Variants in CNTNAP2 observed in about 807,000 individuals in gnomAD.
CNTNAP2 encodes contactin associated protein 2.
In CNTNAP2, 98 loss-of-function variants were observed where a neutral mutation model predicts 155.2. The observed-to-expected ratio is 0.63, with a 90% CI of 0.54 to 0.75. CNTNAP2 has a LOEUF of 0.75. Ranked by LOEUF, CNTNAP2 falls within the 30% of genes least tolerant of loss-of-function variation. The pLI, the probability that CNTNAP2 is intolerant of heterozygous loss-of-function variation, is 0.00. For synonymous variants in CNTNAP2, 651 were observed against 631.2 expected, an observed-to-expected ratio of 1.03 and a Z score of -0.47; for missense variants, 1,727 against 1,688.1, an observed-to-expected ratio of 1.02 and a Z score of -0.40.
At chr7:147,205,902 T>A (rs970934188) in intron 8 of CNTNAP2, among the ~76,000 whole-genome samples, 1 of 152,080 alleles carries the variant, frequency 6.6e-6, no homozygotes. Flanking sequence ...AACTGGAAAG[T>A]TCCTAAAACA....
At chr7:148,339,259 A>G (rs573383786) in intron 21 of CNTNAP2, among the ~76,000 whole-genome samples, 1 of 149,866 alleles carries the variant, frequency 6.7e-6, no homozygotes, top group South Asian at 2.1e-4. Context: ...CAAACATCGA[A>G]AAAAAAAAAA....
intron 1 of CNTNAP2, among the ~76,000 whole-genome samples, chr7:146,687,162 C>T (rs1457844949): frequency 6.6e-6 from 1 of 152,040 alleles, no homozygotes; most frequent in Non-Finnish European, 1.5e-5. Flanking sequence ...TGTCTCATGC[C>T]TAGCTCTCTA....
rs77001133 is a variant in CNTNAP2 at position 148,416,633 on chromosome 7, T to C, written c.*1017T>C. The C allele has an allele frequency of 6.6e-6, 1 of 152,656 alleles. No individual in the cohort carries two copies. The highest frequency in any genetic ancestry group is 2.4e-5 in the African/African-American group (1 of 41,438). The allele number at this position is 152,656 out of a possible 1,614,324, so 9.5% of individuals were successfully genotyped here. On this transcript the variant is annotated 3_prime_UTR_variant, in exon 24 of 24. Transcript: ENST00000361727. ...ATCTCTGGTAGTTTTTCCACCCCTG[T>C]GACACAATCCTAATAGACAGTGTCC...
chr7:146,643,000 G>T (rs1253363332), intron 1 of CNTNAP2, among the ~76,000 whole-genome samples: 4 of 142,908 alleles, frequency 2.8e-5, no homozygotes, highest in African/African-American at 1.1e-4. Context: ...ACTTTTTGAT[G>T]GGGTTTTTTG....
chr7:148,088,278 C>T (rs1803773345), intron 15 of CNTNAP2, among the ~76,000 whole-genome samples: 2 of 151,860 alleles, frequency 1.3e-5, no homozygotes, highest in South Asian at 2.1e-4. Flanking sequence ...AAATCTACAA[C>T]CTCTCCAATA....
At chr7:148,034,061 G>A (rs1189756391) in intron 15 of CNTNAP2, among the ~76,000 whole-genome samples, 1 of 152,146 alleles carries the variant, frequency 6.6e-6, no homozygotes, top group Non-Finnish European at 1.5e-5. Context: ...AAACTGTTAA[G>A]TGAGCAATGC....
chr7:146,691,996 C>T (rs1800705476), intron 1 of CNTNAP2, among the ~76,000 whole-genome samples: 1 of 152,094 alleles, frequency 6.6e-6, no homozygotes, highest in Admixed American at 6.6e-5. Context: ...TCCAATGATG[C>T]ACAAGGGTCC....
At chr7:146,383,365 C>T (rs1169673206) in intron 1 of CNTNAP2, among the ~76,000 whole-genome samples, 1 of 152,070 alleles carries the variant, frequency 6.6e-6, no homozygotes, top group East Asian at 1.9e-4. Flanking sequence ...TATCACTTCA[C>T]AAGCAGTATG....
chr7:146,298,764 C>T (rs1292861969), intron 1 of CNTNAP2, among the ~76,000 whole-genome samples: 2 of 152,170 alleles, frequency 1.3e-5, no homozygotes, highest in Non-Finnish European at 2.9e-5. Context: ...TCTGGTCCAG[C>T]ACTGCAGGTG....
chr7:148,094,099 A>G (rs1803910529), intron 15 of CNTNAP2, among the ~76,000 whole-genome samples: 1 of 152,194 alleles, frequency 6.6e-6, no homozygotes, highest in Non-Finnish European at 1.5e-5. Context: ...CAGTGGAGAA[A>G]GGGAGTAAGA....
At chr7:147,387,007 C>T (rs746703444) in intron 9 of CNTNAP2, among the ~76,000 whole-genome samples, 14 of 152,180 alleles carry the variant, frequency 9.2e-5, no homozygotes, top group South Asian at 2.1e-4. Flanking sequence ...AGAGAGAGAA[C>T]TTGTGCAGGG....
At chr7:146,724,932 T>C (rs909800147) in intron 1 of CNTNAP2, among the ~76,000 whole-genome samples, 1 of 152,072 alleles carries the variant, frequency 6.6e-6, no homozygotes, top group Non-Finnish European at 1.5e-5. Flanking sequence ...AAACCACAGA[T>C]TGGGTCACTT....
At chr7:146,925,031 C>T (rs1796577758) in intron 3 of CNTNAP2, among the ~76,000 whole-genome samples, 1 of 152,094 alleles carries the variant, frequency 6.6e-6, no homozygotes, top group South Asian at 2.1e-4. Context: ...TGCTATGGAT[C>T]AGCCTCACAC....
intron 21 of CNTNAP2, among the ~76,000 whole-genome samples, chr7:148,269,278 T>C (rs1050497651): frequency 4.6e-5 from 7 of 152,226 alleles, no homozygotes; most frequent in African/African-American, 1.7e-4. Context: ...GATAATTAAA[T>C]AGCTTCTGCT....
chr7:146,695,783 A>C (rs549572654), intron 1 of CNTNAP2, among the ~76,000 whole-genome samples: 1 of 152,136 alleles, frequency 6.6e-6, no homozygotes, highest in Non-Finnish European at 1.5e-5. Context: ...ATGATGTTTT[A>C]AATATGCATA....
intron 1 of CNTNAP2, among the ~76,000 whole-genome samples, chr7:146,659,904 G>A (rs1265279021): frequency 6.6e-6 from 1 of 152,202 alleles, no homozygotes; most frequent in Non-Finnish European, 1.5e-5. Flanking sequence ...TTGGCACAGT[G>A]CTGAAGGATG....
Position 146,408,599 on chromosome 7 carries a change from A to G in CNTNAP2, c.97+291626A>G, listed in dbSNP as rs183593085. Among the ~76,000 whole-genome samples, 751 of 131,760 alleles carry G rather than the reference A, an allele frequency of 5.7e-3. 7 individuals carry two copies. Among genetic ancestry groups the G allele is most frequent in the African/African-American group, 0.02 (698 of 35,138 alleles). 86.4% of individuals were successfully genotyped at this position (131,760 alleles called of 152,430 possible). A position where few individuals can be genotyped will look rare whatever the true frequency, so the allele number is the denominator to read the frequency against. ...GAGAACACTTGGATACAGGAAGGGG[A>G]ACATCACACACCAGGGCCTGTCATG... On this transcript the variant is annotated intron_variant, in intron 1 of 23. Transcript: ENST00000361727.
At position 147,809,188 on chromosome 7, in the gene CNTNAP2, T is replaced by C. The variant is rs368582721; in HGVS notation, c.2099-94377T>C. On this transcript the variant is annotated intron_variant, in intron 13 of 23. Coordinates refer to ENST00000361727, the MANE Select transcript of CNTNAP2 (RefSeq NM_014141.6). ...ATGTGGCTGGAAAGCTCTCTAATACTGATCTGACATGGCATATTTCAGATT... is the reference window on the plus strand; with the variant it reads ...ATGTGGCTGGAAAGCTCTCTAATACCGATCTGACATGGCATATTTCAGATT... Among the ~76,000 whole-genome samples the C allele has an allele frequency of 3.8e-4, 58 of 152,354 alleles. 1 individual carries two copies. The South Asian group carries it at 0.012, about 32-fold the overall frequency.
chr7:147,504,815 A>AC, intron 11 of CNTNAP2, among the ~76,000 whole-genome samples: 1 of 127,952 alleles, frequency 7.8e-6, no homozygotes, highest in Non-Finnish European at 1.8e-5. Flanking sequence ...TAATTTAAAA[A>AC]CTATATTCAT....
Sources: allele counts gnomAD v4.1 joint callset (sites outside exome capture counted in the v4.1 genomes callset), GRCh38; gene constraint gnomAD v4.1.1; transcripts MANE v1.5; gene names NCBI Gene and HGNC (gene_info 2026-07-23, HGNC 2026-07-21).